PARP11: variants seen among roughly 807,000 people sequenced by gnomAD.
The protein encoded by PARP11 is poly(ADP-ribose) polymerase family member 11.
Under a neutral mutation model 42.9 loss-of-function variants are expected in PARP11, and 31 were observed. The ratio of observed to expected loss-of-function variants is 0.72; its 90% confidence interval spans 0.54 to 0.98. The LOEUF is 0.98. Among genes scored for constraint, PARP11 ranks in the 50% least tolerant of loss-of-function variants. PARP11 has a pLI of 0.00. For missense variants in PARP11, 365 were observed against 413.1 expected (o/e 0.88, Z 1.01); for synonymous variants, 137 against 127.3 (o/e 1.08, Z -0.51).
intron 1 of PARP11, among the ~76,000 whole-genome samples, chr12:3,838,662 A>G (rs1047979888): frequency 1.1e-4 from 16 of 152,286 alleles, no homozygotes; most frequent in Non-Finnish European, 1.0e-4. Flanking sequence ...CAATGGTGCA[A>G]AAAGCCACAT....
chr12:3,809,812 T>C lies in PARP11; in HGVS notation c.*2311A>G, dbSNP rs544270044. The C allele has an allele frequency of 1.3e-5, 2 of 152,344 alleles. No individual in the cohort carries two copies. Among genetic ancestry groups the C allele is most frequent in the East Asian group, 1.9e-4 (1 of 5,188 alleles). The allele number at this position is 152,344 out of a possible 1,614,324, so 9.4% of individuals were successfully genotyped here. Reference sequence around the variant, plus strand: ...GCCTCTCACAAAGCAGCCTAGTGACTTTGTCTCCAATTATTTTCATGATAA... The same window carrying C: ...GCCTCTCACAAAGCAGCCTAGTGACCTTGTCTCCAATTATTTTCATGATAA... On this transcript the variant is annotated 3_prime_UTR_variant, in exon 8 of 8. Coordinates refer to ENST00000228820, the MANE Select transcript of PARP11 (RefSeq NM_020367.6).
Position 3,840,170 on chromosome 12 carries a change from G to T in PARP11, c.19-10152C>A. On this transcript the variant is annotated intron_variant, in intron 1 of 7. Transcript: ENST00000228820. This position sits in a 1 kb window ranked among gnomAD's most constrained non-coding sequence, Gnocchi z 4.4. The stretch of plus-strand genomic sequence containing the variant: ...TTACAATATGAAGTTGGAGACAAAT[G>T]TCAAGTTAGGTTGGATCACAATGGA... The T allele has an allele frequency of 6.2e-7, 1 of 1,611,200 alleles. No individual in the cohort carries two copies. Among genetic ancestry groups the T allele is most frequent in the Non-Finnish European group, 8.5e-7 (1 of 1,177,312 alleles).
intron 6 of PARP11, among the ~76,000 whole-genome samples, chr12:3,817,165 T>G (rs926905038): frequency 1.3e-5 from 2 of 150,330 alleles, no homozygotes; most frequent in Non-Finnish European, 2.9e-5. Flanking sequence ...CACTCCAGCT[T>G]GGGTGTCAGA....
chr12:3,857,837 C>A (rs558315479), intron 1 of PARP11, among the ~76,000 whole-genome samples: 1 of 152,128 alleles, frequency 6.6e-6, no homozygotes, highest in East Asian at 1.9e-4. Context: ...GTACTTTCCC[C>A]GAAATGTGAC....
At chr12:3,844,275 A>C (rs139211723) in intron 1 of PARP11, among the ~76,000 whole-genome samples, 2 of 152,330 alleles carry the variant, frequency 1.3e-5, no homozygotes, top group Non-Finnish European at 2.9e-5. Context: ...GTTGTGTGGA[A>C]AACATTTTTT....
chr12:3,819,321 A>T (rs1947349127), intron 6 of PARP11, among the ~76,000 whole-genome samples: 2 of 152,320 alleles, frequency 1.3e-5, no homozygotes, highest in South Asian at 4.1e-4. Flanking sequence ...CAGTTTAATT[A>T]CTGAAACAAT....
intron 1 of PARP11, chr12:3,841,427 C>A: frequency 7.5e-7 from 1 of 1,330,502 alleles, no homozygotes; most frequent in Non-Finnish European, 1.1e-6. Context: ...TTCAAAGAGG[C>A]TCCTGCCGCC....
chr12:3,873,125 G>A, intron 1 of PARP11, 87 bp downstream of exon 1: 2 of 1,238,828 alleles, frequency 1.6e-6, no homozygotes, highest in South Asian at 2.6e-5. Flanking sequence ...TGAAGCGAGC[G>A]CGGGGAAGCA....
chr12:3,819,792 C>T (rs553575912), intron 6 of PARP11, among the ~76,000 whole-genome samples: 19 of 152,320 alleles, frequency 1.2e-4, no homozygotes, highest in African/African-American at 2.4e-4. Flanking sequence ...CTACTAAAGA[C>T]GATCACACAA....
rs372428384 is a variant in PARP11 at position 3,812,237 on chromosome 12, G to T, written c.903C>A (p.Asp301Glu). Reference protein sequence around the residue: ...DSKYMRPPSKDGSYVNLYDSC... With the variant: ...DSKYMRPPSKEGSYVNLYDSC... The stretch of plus-strand genomic sequence containing the variant: ...TGTCATATAAATTCACATAGCTCCC[G>T]TCTTTGGAAGGAGGTCGCATGTATT... The change falls in exon 8 of 8, where the codon GAC becomes GAA. Residue 301 changes from aspartate to glutamate, a missense_variant. Transcript: ENST00000228820. 2 of 1,614,010 alleles carry T rather than the reference G, an allele frequency of 1.2e-6. No homozygotes were observed. Among genetic ancestry groups the T allele is most frequent in the African/African-American group, 2.7e-5 (2 of 74,934 alleles).
At chr12:3,829,150 C>T (rs1337968779) in intron 2 of PARP11, 120 bp from the exon 3 acceptor site, 1 of 994,650 alleles carries the variant, frequency 1.0e-6, no homozygotes, top group African/African-American at 1.6e-5. Flanking sequence ...TACTAATCAC[C>T]TGTTCTAGTT....
intron 1 of PARP11, among the ~76,000 whole-genome samples, chr12:3,843,748 C>G (rs1330046834): frequency 6.6e-6 from 1 of 152,182 alleles, no homozygotes; most frequent in African/African-American, 2.4e-5. Flanking sequence ...TCTGAATTAA[C>G]ACAGTATTCA....
Position 3,831,917 on chromosome 12 carries a change from A to C in PARP11, c.19-1899T>G, listed in dbSNP as rs546623436. On this transcript the variant is annotated intron_variant, in intron 1 of 7. Transcript: ENST00000228820. Reference sequence around the variant, plus strand: ...ACTGTGAGAAAGAGAGAAGGAAAGAAAGTGTGACCTAAATTTAGTTTTTCT... The same window carrying C: ...ACTGTGAGAAAGAGAGAAGGAAAGACAGTGTGACCTAAATTTAGTTTTTCT... Among the ~76,000 whole-genome samples the C allele has an allele frequency of 1.6e-4, 25 of 152,284 alleles. No individual in the cohort carries two copies. The South Asian group carries it at 5.0e-3, about 30-fold the overall frequency.
At chr12:3,820,764 T>C (rs963584455) in intron 6 of PARP11, among the ~76,000 whole-genome samples, 1 of 152,174 alleles carries the variant, frequency 6.6e-6, no homozygotes, top group Non-Finnish European at 1.5e-5. Flanking sequence ...AAGAACTAAA[T>C]TAAACTGTCT....
chr12:3,821,515 G>C (rs773028014), intron 6 of PARP11, among the ~76,000 whole-genome samples: 1 of 152,200 alleles, frequency 6.6e-6, no homozygotes, highest in African/African-American at 2.4e-5. Flanking sequence ...TGGCAAGATA[G>C]TATGATTTAA....
chr12:3,857,285 TA>T (rs930563860), intron 1 of PARP11, among the ~76,000 whole-genome samples: 4 of 151,220 alleles, frequency 2.6e-5, no homozygotes, highest in African/African-American at 7.3e-5. Flanking sequence ...ATAATAATAA[TA>T]AAAAAAAGAT....
intron 7 of PARP11, among the ~76,000 whole-genome samples, chr12:3,812,901 C>T (rs1266070861): frequency 6.6e-6 from 1 of 152,184 alleles, no homozygotes; most frequent in Non-Finnish European, 1.5e-5. Context: ...CTCCCAGGTT[C>T]AAGCGATTCT....
At chr12:3,815,856 G>A (rs1446641072) in intron 6 of PARP11, among the ~76,000 whole-genome samples, 1 of 152,174 alleles carries the variant, frequency 6.6e-6, no homozygotes, top group Non-Finnish European at 1.5e-5. Context: ...TAAAATATCC[G>A]TATCTCAGAC....
chr12:3,840,973 C>T lies in PARP11; in HGVS notation c.19-10955G>A. The T allele has an allele frequency of 6.2e-7, 1 of 1,608,158 alleles. No individual in the cohort carries two copies. The highest frequency in any genetic ancestry group is 1.7e-5 in the Admixed American group (1 of 60,028). On this transcript the variant is annotated intron_variant, in intron 1 of 7. Coordinates refer to ENST00000228820, the MANE Select transcript of PARP11 (RefSeq NM_020367.6). The surrounding 1 kb of genome is among the most constrained non-coding windows in gnomAD (Gnocchi z 4.4). ...CACTGTGCCAGCCTGGCCAAGTGAA[C>T]CTACAACTTTTGGACCAACAGGTGT...
Sources: allele counts gnomAD v4.1 joint callset (sites outside exome capture counted in the v4.1 genomes callset), GRCh38; gene constraint gnomAD v4.1.1; non-coding constraint Gnocchi (gnomAD v3.1); transcripts MANE v1.5; gene names NCBI Gene and HGNC (gene_info 2026-07-23, HGNC 2026-07-21).